QTRT2: variants seen among roughly 807,000 people sequenced by gnomAD.
The protein encoded by QTRT2 is queuine tRNA-ribosyltransferase accessory subunit 2.
A neutral mutation model predicts 44.8 loss-of-function variants in QTRT2; 32 were observed. The observed-to-expected ratio is 0.71, with a 90% confidence interval of 0.54 to 0.96. The LOEUF is 0.96. QTRT2 is among the 40% of genes least tolerant of loss of function. QTRT2 has a pLI of 0.00. For missense variants in QTRT2, 461 were observed against 503.1 expected, an observed-to-expected ratio of 0.92 and a Z score of 0.80; for synonymous variants, 182 against 187.4, an observed-to-expected ratio of 0.97 and a Z score of 0.24.
At position 114,061,639 on chromosome 3, in the gene QTRT2, G is replaced by A. The variant is rs1458262814; in HGVS notation, c.-21-3598G>A. On this transcript the variant is annotated intron_variant, in intron 2 of 9. Transcript: ENST00000281273. ...TTGCCCAGGCTGGAGTGCCAGTGGC[G>A]TGATCATGGCTCACTGCAGTCTCTG... Among the ~76,000 whole-genome samples, 4 of 152,094 alleles carry A rather than the reference G, an allele frequency of 2.6e-5. No homozygotes were observed. The South Asian group carries it at 6.2e-4, about 24-fold the overall frequency.
Position 114,060,517 on chromosome 3 carries a change from TAGATAGATAGATAGATAGATAGATAGATA to T in QTRT2, c.-22+3420_-22+3448del, listed in dbSNP as rs1324788304. ...GTAGGTAGATAGATAGATAGATAGA[TAGATAGATAGATAGATAGATAGATAGATA>T]AGATAGATTAGATAGATAGATTAGA... On this transcript the variant is annotated intron_variant, in intron 2 of 9. Transcript: ENST00000281273. 6.3e-5 allele frequency among the ~76,000 whole-genome samples: 6 copies of T among 95,682 alleles called. No homozygotes were observed. The East Asian group carries it at 9.5e-4, about 15-fold the overall frequency. 62.8% of individuals were successfully genotyped at this position (95,682 alleles called of 152,430 possible). A position where few individuals can be genotyped will look rare whatever the true frequency, so the allele number is the denominator to read the frequency against.
At chr3:114,058,399 T>C (rs2076836274) in intron 2 of QTRT2, among the ~76,000 whole-genome samples, 2 of 152,238 alleles carry the variant, frequency 1.3e-5, no homozygotes, top group Non-Finnish European at 2.9e-5. Flanking sequence ...GTTTAACAGT[T>C]ACTTCTGAAT....
Position 114,067,991 on chromosome 3 carries a change from G to T in QTRT2, c.261G>T (p.Met87Ile). The T allele has an allele frequency of 6.2e-7, 1 of 1,613,646 alleles. No homozygotes were observed. The change falls in exon 5 of 10, where the codon ATG becomes ATT. Residue 87 changes from methionine (M) to isoleucine (I), a missense_variant. Coordinates refer to ENST00000281273, the MANE Select transcript of QTRT2 (RefSeq NM_024638.4). The part of the protein sequence containing the change: ...YKEGVGKFIG[M>I]PESLLYCSLH... ...TTCTTTTTTGTGTTTATACAGGCAT[G>T]CCAGAATCACTCTTGTACTGCTCCC...
In QTRT2 at chr3:114,065,386, A is replaced by G. The variant is rs2076938903; in HGVS notation, c.129A>G (p.Pro43=). The change falls in exon 3 of 10, where the codon CCA becomes CCG. Residue 43 remains proline, a synonymous_variant. Coordinates refer to ENST00000281273, the MANE Select transcript of QTRT2 (RefSeq NM_024638.4). ...TGTATACCAAGACTGGCTCCGCCCCACACCTCACCCATCACACGCTGCATA... is the reference window on the plus strand; with the variant it reads ...TGTATACCAAGACTGGCTCCGCCCCGCACCTCACCCATCACACGCTGCATA... The part of the protein sequence containing the change: ...CLLYTKTGSA[P]HLTHHTLHNI... 6.2e-7 allele frequency: 1 copy of G among 1,614,170 alleles called. No homozygotes were observed. Among genetic ancestry groups the G allele is most frequent in the East Asian group, 2.2e-5 (1 of 44,884 alleles).
At chr3:114,067,964 G>C (rs201532967) in intron 4 of QTRT2, 23 bp from the exon 5 acceptor site, 54 of 1,609,866 alleles carry the variant, frequency 3.4e-5, no homozygotes, top group East Asian at 6.7e-5. Flanking sequence ...CACTTTCAAG[G>C]GTTCTTTTTT....
At chr3:114,080,214 C>G (rs1273559659) in intron 8 of QTRT2, among the ~76,000 whole-genome samples, 157 bp downstream of exon 8, 1 of 152,116 alleles carries the variant, frequency 6.6e-6, no homozygotes, top group Non-Finnish European at 1.5e-5. Flanking sequence ...TGTTGGCACA[C>G]AAATCCAGGT....
chr3:114,073,820 A>G (rs2077055202), intron 6 of QTRT2, among the ~76,000 whole-genome samples: 1 of 152,172 alleles, frequency 6.6e-6, no homozygotes, highest in Non-Finnish European at 1.5e-5. Context: ...CACCCAGGAA[A>G]GGGAGTTTCC....
Position 114,067,976 on chromosome 3 carries a change from T to C in QTRT2, c.257-11T>C, listed in dbSNP as rs1428772946. On this transcript the variant is annotated splice_polypyrimidine_tract_variant and intron_variant, in intron 4 of 9. Coordinates refer to ENST00000281273, the MANE Select transcript of QTRT2 (RefSeq NM_024638.4). ...AAGCACTTTCAAGGGTTCTTTTTTG[T>C]GTTTATACAGGCATGCCAGAATCAC... The C allele has an allele frequency of 6.2e-7, 1 of 1,613,176 alleles. No homozygotes were observed. Among genetic ancestry groups the C allele is most frequent in the Non-Finnish European group, 8.5e-7 (1 of 1,179,416 alleles).
At chr3:114,083,855 C>T (rs1277978696) in intron 9 of QTRT2, among the ~76,000 whole-genome samples, 1 of 151,948 alleles carries the variant, frequency 6.6e-6, no homozygotes, top group African/African-American at 2.4e-5. Context: ...TTCTGTCATC[C>T]ACTGACTCTC....
intron 9 of QTRT2, chr3:114,083,006 A>T (rs993665677): frequency 1.5e-5 from 8 of 526,544 alleles, no homozygotes; most frequent in Non-Finnish European, 2.4e-5. Context: ...GGAGCCAGGT[A>T]ATGATTGCTT....
intron 6 of QTRT2, among the ~76,000 whole-genome samples, chr3:114,075,414 T>G (rs1013144788): frequency 1.3e-5 from 2 of 152,172 alleles, no homozygotes; most frequent in Non-Finnish European, 2.9e-5. Flanking sequence ...TTGGAGCTCA[T>G]TTTATGCTGT....
chr3:114,082,907 G>A, intron 9 of QTRT2, 113 bp downstream of exon 9: 1 of 637,968 alleles, frequency 1.6e-6, no homozygotes, highest in Non-Finnish European at 2.9e-6. Context: ...TTAATAGTTG[G>A]GTATTATTTA....
chr3:114,076,967 C>T (rs758654283), intron 7 of QTRT2, 25 bp downstream of exon 7: 1 of 1,609,374 alleles, frequency 6.2e-7, no homozygotes, highest in Non-Finnish European at 8.5e-7. Context: ...AGGACACAGG[C>T]TGGCCTCAAG....
chr3:114,068,371 G>A lies in QTRT2; in HGVS notation c.333+308G>A, dbSNP rs181752658. On this transcript the variant is annotated intron_variant, in intron 5 of 9. Coordinates refer to ENST00000281273, the MANE Select transcript of QTRT2 (RefSeq NM_024638.4). ...TAGGGGAAAACGATAGTCTTTCGGC[G>A]CCATGCTTTGTTGGATTTTTAACAA... The A allele has an allele frequency of 1.8e-4, 52 of 285,006 alleles. No individual in the cohort carries two copies. The East Asian group carries it at 3.0e-3, about 17-fold the overall frequency. The allele number at this position is 285,006 out of a possible 1,614,324, so 17.7% of individuals were successfully genotyped here.
chr3:114,071,523 T>C (rs1376670511), intron 6 of QTRT2, among the ~76,000 whole-genome samples: 1 of 152,194 alleles, frequency 6.6e-6, no homozygotes, highest in Non-Finnish European at 1.5e-5. Flanking sequence ...GGTCTTGAAC[T>C]TTTGACCTTA....
At position 114,076,946 on chromosome 3, in the gene QTRT2, A is replaced by G. The variant is rs1397636778; in HGVS notation, c.746+4A>G. The G allele has an allele frequency of 1.2e-6, 2 of 1,613,606 alleles. No homozygotes were observed. The highest frequency in any genetic ancestry group is 2.2e-5 in the East Asian group (1 of 44,876). ...AGCTGCCGGAGGACAAGCCAAGGCC[A>G]GTGTTCGGTTAGGACACAGGCTGGC... On this transcript the variant is annotated splice_donor_region_variant and intron_variant, in intron 7 of 9. Coordinates refer to ENST00000281273, the MANE Select transcript of QTRT2 (RefSeq NM_024638.4).
chr3:114,073,385 G>GT (rs1401711324), intron 6 of QTRT2, among the ~76,000 whole-genome samples: 31 of 152,102 alleles, frequency 2.0e-4, no homozygotes, highest in Non-Finnish European at 3.5e-4. Context: ...GTTTTGTTTT[G>GT]TTTGTTTTTT....
intron 2 of QTRT2, among the ~76,000 whole-genome samples, chr3:114,058,088 T>G (rs530219323): frequency 2.0e-5 from 3 of 152,210 alleles, no homozygotes; most frequent in Non-Finnish European, 2.9e-5. Flanking sequence ...CAGATAATAA[T>G]GGTATCTATA....
chr3:114,068,063 G>C lies in QTRT2; in HGVS notation c.333G>C (p.Lys111Asn). 6.2e-7 allele frequency: 1 copy of C among 1,613,494 alleles called. No individual in the cohort carries two copies. The highest frequency in any genetic ancestry group is 8.5e-7 in the Non-Finnish European group (1 of 1,179,522). ...SPCPAGYVTN[K>N]SVSVWSVAGR... The stretch of plus-strand genomic sequence containing the variant: ...GCCCGGCTGGTTATGTAACAAACAA[G>C]GTGTGTTTTCAGAAGGGTCTCCAAG... The change falls in exon 5 of 10, where the codon AAG becomes AAC. Residue 111 changes from lysine (K) to asparagine (N), a missense_variant and splice_region_variant. Coordinates refer to ENST00000281273, the MANE Select transcript of QTRT2 (RefSeq NM_024638.4).
Sources: gnomAD v4.1 joint callset for allele counts (sites outside exome capture counted in the v4.1 genomes callset) on GRCh38, gnomAD v4.1.1 for gene constraint, MANE v1.5 for transcripts, NCBI Gene and HGNC (gene_info 2026-07-23, HGNC 2026-07-21) for gene names.